Variants in TBPL1 observed in about 807,000 individuals in gnomAD.
TBPL1 encodes TATA box-binding protein-like 1.
Under a neutral mutation model 22.1 loss-of-function variants are expected in TBPL1, and 4 were observed. That is an observed-to-expected ratio of 0.18 (90% confidence interval 0.09 to 0.41). The LOEUF is 0.41. TBPL1 is among the 10% of genes least tolerant of loss of function. The pLI, the probability that TBPL1 is intolerant of heterozygous loss-of-function variation, is 1.00. For missense variants in TBPL1, 115 were observed against 222.3 expected (o/e 0.52, Z 3.07); for synonymous variants, 64 against 71.0 (o/e 0.90, Z 0.50).
chr6:133,971,509 A>G (rs941825612), intron 1 of TBPL1, among the ~76,000 whole-genome samples: 1 of 152,094 alleles, frequency 6.6e-6, no homozygotes, highest in African/African-American at 2.4e-5. Flanking sequence ...TATAATGGCT[A>G]TGTGAGTTTA....
At chr6:133,959,529 T>C (rs1350712538) in intron 1 of TBPL1, among the ~76,000 whole-genome samples, 1 of 152,196 alleles carries the variant, frequency 6.6e-6, no homozygotes, top group Non-Finnish European at 1.5e-5. Context: ...TCGCCCAGGC[T>C]GGAGTGCAGT....
chr6:133,963,410 T>C (rs1776057315), intron 1 of TBPL1, among the ~76,000 whole-genome samples: 1 of 152,148 alleles, frequency 6.6e-6, no homozygotes, highest in Non-Finnish European at 1.5e-5. Context: ...ATCTTGTTTC[T>C]GTTGTTTTGT....
chr6:133,966,272 G>T (rs1776117673), intron 1 of TBPL1, among the ~76,000 whole-genome samples: 1 of 152,150 alleles, frequency 6.6e-6, no homozygotes, highest in Admixed American at 6.5e-5. Flanking sequence ...CTTCTGAGGA[G>T]CTTATTGTCT....
chr6:133,958,974 C>G (rs755469473), intron 1 of TBPL1, among the ~76,000 whole-genome samples: 1 of 152,106 alleles, frequency 6.6e-6, no homozygotes, highest in South Asian at 2.1e-4. Flanking sequence ...ATGATCATGA[C>G]TGTTGCACCA....
intron 6 of TBPL1, among the ~76,000 whole-genome samples, chr6:133,986,701 T>C (rs1248080376): frequency 6.6e-6 from 1 of 152,216 alleles, no homozygotes; most frequent in African/African-American, 2.4e-5. Flanking sequence ...TTTATATTAG[T>C]CCATGATAGT....
upstream of TBPL1, chr6:133,953,168 GT>G (rs1775863849): frequency 6.5e-6 from 1 of 152,694 alleles, no homozygotes; most frequent in African/African-American, 2.4e-5. Flanking sequence ...CTCGCGCACT[GT>G]CTCTATGCTC....
intron 2 of TBPL1, among the ~76,000 whole-genome samples, chr6:133,980,900 G>GCT (rs1351907222): frequency 6.6e-6 from 1 of 151,186 alleles, no homozygotes; most frequent in Non-Finnish European, 1.5e-5. Context: ...GTATCTCAAG[G>GCT]CTCTATTTAG....
chr6:133,962,511 C>T (rs1038617664), intron 1 of TBPL1, among the ~76,000 whole-genome samples: 1 of 152,210 alleles, frequency 6.6e-6, no homozygotes, highest in African/African-American at 2.4e-5. Context: ...AATTGTGACT[C>T]ACTCCATTCA....
intron 1 of TBPL1, among the ~76,000 whole-genome samples, chr6:133,970,306 T>A (rs1482185735): frequency 6.6e-6 from 1 of 152,262 alleles, no homozygotes; most frequent in African/African-American, 2.4e-5. Context: ...GGAAATAATA[T>A]CTTTAGTATC....
intron 1 of TBPL1, among the ~76,000 whole-genome samples, chr6:133,966,882 C>T (rs1415288941): frequency 6.6e-6 from 1 of 152,186 alleles, no homozygotes; most frequent in Non-Finnish European, 1.5e-5. Context: ...ACCCATTCTT[C>T]TCTTTCAGTC....
At chr6:133,984,331 G>T in intron 4 of TBPL1, 45 bp from the exon 5 acceptor site, 1 of 1,470,680 alleles carries the variant, frequency 6.8e-7, no homozygotes, top group Non-Finnish European at 9.3e-7. Flanking sequence ...TTTTTTGTTT[G>T]TTTGTTTCAA....
chr6:133,979,616 A>G (rs1449426773), intron 1 of TBPL1, among the ~76,000 whole-genome samples: 1 of 152,168 alleles, frequency 6.6e-6, no homozygotes, highest in East Asian at 1.9e-4. Flanking sequence ...TTTTTTAAAA[A>G]TGACATTTTT....
intron 1 of TBPL1, among the ~76,000 whole-genome samples, chr6:133,959,930 T>A (rs561645789): frequency 2.2e-4 from 33 of 152,362 alleles, no homozygotes; most frequent in Admixed American, 1.5e-3. Flanking sequence ...TTATAGGGCC[T>A]GTTACTGTTT....
In TBPL1 at chr6:133,980,090, C is replaced by A; in HGVS notation, c.-36C>A. 1 of 1,450,804 alleles carries A rather than the reference C, an allele frequency of 6.9e-7. No individual in the cohort carries two copies. Among genetic ancestry groups the A allele is most frequent in the Non-Finnish European group, 9.1e-7 (1 of 1,096,562 alleles). 89.9% of individuals were successfully genotyped at this position (1,450,804 alleles called of 1,614,324 possible). ...TTTGTTTTATTTCTCAGGATGTGAT[C>A]TTCGTGGTGGAAAGCTAAATTTTAA... On this transcript the variant is annotated 5_prime_UTR_variant, in exon 2 of 7. Transcript: ENST00000237264.
rs748592566 is a variant in TBPL1 at position 133,989,718 on chromosome 6, G to C, written c.*2678G>C. On this transcript the variant is annotated 3_prime_UTR_variant, in exon 7 of 7. Coordinates refer to ENST00000237264, the MANE Select transcript of TBPL1 (RefSeq NM_004865.4). ...CTGATATAGTTTTACTACTTACATA[G>C]GTTTATAGTCTCTCCACATTGTTAT... is the stretch of plus-strand genomic sequence containing the variant. 6 of 152,036 alleles carry C rather than the reference G, an allele frequency of 3.9e-5. No individual in the cohort carries two copies. Among genetic ancestry groups the C allele is most frequent in the Non-Finnish European group, 8.8e-5 (6 of 68,020 alleles). 9.4% of individuals were successfully genotyped at this position (152,036 alleles called of 1,614,324 possible).
At chr6:133,983,269 GCT>G (rs1384157890) in intron 4 of TBPL1, among the ~76,000 whole-genome samples, 5 of 152,216 alleles carry the variant, frequency 3.3e-5, no homozygotes, top group Admixed American at 6.5e-5. Flanking sequence ...CAGCTGGCAG[GCT>G]CTCACACTTG....
At chr6:133,959,645 C>T (rs567124073) in intron 1 of TBPL1, among the ~76,000 whole-genome samples, 1 of 152,120 alleles carries the variant, frequency 6.6e-6, no homozygotes, top group Admixed American at 6.5e-5. Flanking sequence ...CCACACCTGG[C>T]CATTTTTTTG....
chr6:133,972,931 TAGAG>T (rs1776249918), intron 1 of TBPL1, among the ~76,000 whole-genome samples: 1 of 152,158 alleles, frequency 6.6e-6, no homozygotes, highest in African/African-American at 2.4e-5. Flanking sequence ...AATGAGGATT[TAGAG>T]AGCGGTTAGG....
chr6:133,982,799 C>G lies in TBPL1; in HGVS notation c.219-18C>G. The G allele has an allele frequency of 6.2e-7, 1 of 1,605,938 alleles. No homozygotes were observed. Among genetic ancestry groups the G allele is most frequent in the Non-Finnish European group, 8.5e-7 (1 of 1,177,824 alleles). ...TTCCTGTGTAACTGATAATCTTTTTCTTTCCTTAAAACCGTAGTGAAGAAG... is the reference window on the plus strand; with the variant it reads ...TTCCTGTGTAACTGATAATCTTTTTGTTTCCTTAAAACCGTAGTGAAGAAG... On this transcript the variant is annotated intron_variant, in intron 3 of 6. Transcript: ENST00000237264.
Sources: allele counts gnomAD v4.1 joint callset (sites outside exome capture counted in the v4.1 genomes callset), GRCh38; gene constraint gnomAD v4.1.1; transcripts MANE v1.5; gene names NCBI Gene and HGNC (gene_info 2026-07-23, HGNC 2026-07-21).